Variants in ALDH4A1 observed in about 807,000 individuals in gnomAD.
ALDH4A1 encodes the protein aldehyde dehydrogenase 4 family member A1.
Under a neutral mutation model 70.5 loss-of-function variants are expected in ALDH4A1, and 46 were observed. That is an observed-to-expected ratio of 0.65 (90% CI 0.51 to 0.83). The LOEUF (loss-of-function observed/expected upper bound fraction) is 0.83. Among genes scored for constraint, ALDH4A1 ranks in the 40% least tolerant of loss-of-function variants. The probability of loss-of-function intolerance (pLI) is 0.00; values close to 1 mark genes in which losing one functional copy is unlikely to be tolerated. For synonymous variants in ALDH4A1, 323 were observed against 324.3 expected, an observed-to-expected ratio of 1.00 and a Z score of 0.04; for missense variants, 749 against 766.5, an observed-to-expected ratio of 0.98 and a Z score of 0.27.
At chr1:18,899,533 T>C (rs1197589386) in intron 1 of ALDH4A1, among the ~76,000 whole-genome samples, 1 of 151,940 alleles carries the variant, frequency 6.6e-6, no homozygotes, top group East Asian at 1.9e-4. Context: ...GTAAAGTTGA[T>C]TGAGAAAAAA....
intron 12 of ALDH4A1, 33 bp from the exon 13 acceptor site, chr1:18,875,536 C>A (rs775597892): frequency 1.2e-6 from 2 of 1,613,522 alleles, no homozygotes; most frequent in Admixed American, 3.3e-5. Context: ...AGACCCTCCA[C>A]GGGACCAGGG....
At chr1:18,902,379 C>T in intron 1 of ALDH4A1, 83 bp downstream of exon 1, 4 of 1,161,398 alleles carry the variant, frequency 3.4e-6, no homozygotes, top group Non-Finnish European at 4.5e-6. Flanking sequence ...GGAGGGAGTG[C>T]GGCGCGGGGG....
rs1370621829 is a variant in ALDH4A1 at position 18,889,461 on chromosome 1, A to T, written c.157-7T>A. The T allele has an allele frequency of 1.3e-6, 2 of 1,550,714 alleles. No homozygotes were observed. The highest frequency in any genetic ancestry group is 3.9e-5 in the Admixed American group (2 of 51,016). On this transcript the variant is annotated splice_polypyrimidine_tract_variant and splice_region_variant and intron_variant, in intron 2 of 14. Transcript: ENST00000375341. ...CCTTCAGGTCCTTCAAGGCCTGGGG[A>T]GAGGGACAAGAGTGGGTATGGTCAC... is the stretch of plus-strand genomic sequence containing the variant.
intron 14 of ALDH4A1, among the ~76,000 whole-genome samples, chr1:18,873,164 C>T (rs1934520423): frequency 2.0e-5 from 3 of 152,148 alleles, no homozygotes; most frequent in African/African-American, 7.2e-5. Flanking sequence ...CCATTGTTCT[C>T]TCCAGTCGCA....
rs145276697 is a variant in ALDH4A1 at position 18,897,340 on chromosome 1, C to T, written c.62+5122G>A. On this transcript the variant is annotated intron_variant, in intron 1 of 14. Transcript: ENST00000375341. ...GGCGGATCACTTGAGGTCAGGAGTT[C>T]TAGACCAGCCTGGCCAACATGGCAA... Among the ~76,000 whole-genome samples, 857 of 152,110 alleles carry T rather than the reference C, an allele frequency of 5.6e-3. 14 individuals carry two copies. Among genetic ancestry groups the T allele is most frequent in the South Asian group, 0.047 (229 of 4,826 alleles).
chr1:18,877,145 C>G (rs959424547), intron 11 of ALDH4A1, 63 bp downstream of exon 11: 34 of 1,567,714 alleles, frequency 2.2e-5, no homozygotes, highest in Non-Finnish European at 2.9e-5. Flanking sequence ...GTATCTCTTC[C>G]TCCCTCTTCC....
At chr1:18,886,582 T>C (rs1242396196) in intron 3 of ALDH4A1, 71 bp from the exon 4 acceptor site, 2 of 1,547,564 alleles carry the variant, frequency 1.3e-6, no homozygotes, top group African/African-American at 1.4e-5. Flanking sequence ...AGGACTGGAC[T>C]CAGAGCCGGT....
At chr1:18,897,378 AC>A (rs1935658450) in intron 1 of ALDH4A1, among the ~76,000 whole-genome samples, 1 of 152,178 alleles carries the variant, frequency 6.6e-6, no homozygotes, top group Non-Finnish European at 1.5e-5. Flanking sequence ...CCCCATCTCT[AC>A]TAAAAGTACA....
chr1:18,877,798 C>T (rs544376548), intron 9 of ALDH4A1, among the ~76,000 whole-genome samples, 186 bp from the exon 10 acceptor site: 2 of 152,322 alleles, frequency 1.3e-5, no homozygotes, highest in African/African-American at 2.4e-5. Context: ...GGCCCATTCT[C>T]CCACTCCACA....
intron 1 of ALDH4A1, among the ~76,000 whole-genome samples, chr1:18,891,394 C>T (rs780664323): frequency 6.6e-6 from 1 of 152,204 alleles, no homozygotes; most frequent in Non-Finnish European, 1.5e-5. Context: ...GAAACCTGCA[C>T]TTGAGTCCAG....
At chr1:18,897,130 G>C (rs755975330) in intron 1 of ALDH4A1, 6 of 522,794 alleles carry the variant, frequency 1.1e-5, no homozygotes, top group Admixed American at 1.0e-4. Context: ...GAAACTTTTT[G>C]AGTGTCAACG....
intron 9 of ALDH4A1, 21 bp from the exon 10 acceptor site, chr1:18,877,633 G>A: frequency 1.5e-5 from 10 of 683,740 alleles, no homozygotes; most frequent in Admixed American, 7.8e-5. Context: ...CGGGGGTGGG[G>A]AAATGACCAG....
In ALDH4A1 at chr1:18,883,352, G is replaced by A. The variant is rs774413678; in HGVS notation, c.530C>T (p.Ala177Val). Residue 177 changes from alanine to valine, a missense_variant, in exon 6 of 15, where the codon GCG (alanine) becomes GTG (valine). By Grantham distance (64) the Ala-to-Val change is moderately conservative. Coordinates refer to ENST00000375341, the MANE Select transcript of ALDH4A1 (RefSeq NM_003748.4). ...IDFFRFNAKY[A>V]VELEGQQPIS... ...GGGCTGCTGCCCCTCCAGCTCCACC[G>A]CATACTTGGCATTGAACCGGAAGAA... 71 of 1,613,296 alleles carry A rather than the reference G, an allele frequency of 4.4e-5. No individual in the cohort carries two copies. Among genetic ancestry groups the A allele is most frequent in the Admixed American group, 1.0e-4 (6 of 60,010 alleles).
intron 2 of ALDH4A1, 54 bp downstream of exon 2, chr1:18,889,958 A>C: frequency 7.0e-7 from 1 of 1,424,472 alleles, no homozygotes; most frequent in Non-Finnish European, 9.7e-7. Context: ...GCTGCTGGGG[A>C]TGGCCTCTGC....
At chr1:18,889,297 G>A (rs1428000573) in intron 3 of ALDH4A1, 65 bp downstream of exon 3, 1 of 1,402,614 alleles carries the variant, frequency 7.1e-7, no homozygotes, top group Non-Finnish European at 9.9e-7. Context: ...AAGCTTACGA[G>A]CTGTCAGAGA....
intron 3 of ALDH4A1, among the ~76,000 whole-genome samples, chr1:18,887,015 G>A (rs1175594063): frequency 2.0e-5 from 3 of 152,216 alleles, no homozygotes. Flanking sequence ...ACCAGGTGAG[G>A]CCCAAAAGAA....
intron 7 of ALDH4A1, among the ~76,000 whole-genome samples, chr1:18,882,388 G>A (rs1408836234): frequency 2.6e-5 from 4 of 152,140 alleles, no homozygotes; most frequent in Non-Finnish European, 4.4e-5. Flanking sequence ...CCTGTCTGGG[G>A]CTCGGGGTTC....
rs1934939361 is a variant in ALDH4A1 at position 18,880,816 on chromosome 1, T to A, written c.866+884A>T. ...GTTAGGAGTCAAAGAAAGTAGAGCC[T>A]CTTGCCAGATCCAATTTGGGGGCCA... On this transcript the variant is annotated intron_variant, in intron 8 of 14. Transcript: ENST00000375341. This position sits in a 1 kb window ranked among gnomAD's most constrained non-coding sequence, Gnocchi z 5.1. 6.6e-6 allele frequency among the ~76,000 whole-genome samples: 1 copy of A among 152,200 alleles called. No homozygotes were observed. The highest frequency in any genetic ancestry group is 6.5e-5 in the Admixed American group (1 of 15,280).
chr1:18,888,530 G>A (rs1260134984), intron 3 of ALDH4A1, among the ~76,000 whole-genome samples: 2 of 152,232 alleles, frequency 1.3e-5, no homozygotes, highest in Non-Finnish European at 2.9e-5. Flanking sequence ...CTCGCTGCCT[G>A]GAAAAATCCC....
Sources: gnomAD v4.1 joint callset for allele counts (sites outside exome capture counted in the v4.1 genomes callset) on GRCh38, gnomAD v4.1.1 for gene constraint, Gnocchi (gnomAD v3.1) non-coding constraint, MANE v1.5 for transcripts, NCBI Gene and HGNC (gene_info 2026-07-23, HGNC 2026-07-21) for gene names.